Variants in ZFAND1 observed in about 807,000 individuals in gnomAD.
The protein encoded by ZFAND1 is AN1-type zinc finger protein 1.
A neutral mutation model predicts 38.5 loss-of-function variants in ZFAND1; 40 were observed. The ratio of observed to expected loss-of-function variants is 1.04; its 90% confidence interval spans 0.81 to 1.35. ZFAND1 has a LOEUF of 1.35. Among genes scored for constraint, ZFAND1 ranks in the 40% most tolerant of loss-of-function variants. The pLI, the probability that ZFAND1 is intolerant of heterozygous loss-of-function variation, is 0.00. For synonymous variants in ZFAND1, 117 were observed against 103.6 expected (o/e 1.13, Z -0.78); for missense variants, 346 against 316.3 (o/e 1.09, Z -0.71).
Position 81,706,101 on chromosome 8 carries a change from T to C in ZFAND1, c.481-2977A>G, listed in dbSNP as rs572450812. On this transcript the variant is annotated intron_variant, in intron 6 of 7. Transcript: ENST00000220669. ...CACACGTAGAAACATTCCACAGAAA[T>C]TGGAAAATATCACAAGAAATCTTAA... is the stretch of plus-strand genomic sequence containing the variant. Among the ~76,000 whole-genome samples, 180 of 151,986 alleles carry C rather than the reference T, an allele frequency of 1.2e-3. 2 individuals carry two copies. In the South Asian group the frequency reaches 0.018, roughly 16 times the overall value.
chr8:81,719,775 T>G (rs180721805), intron 1 of ZFAND1, among the ~76,000 whole-genome samples: 1 of 152,296 alleles, frequency 6.6e-6, no homozygotes, highest in East Asian at 1.9e-4. Flanking sequence ...CTCATCTCAG[T>G]TATTGACACT....
chr8:81,715,193 T>C, intron 3 of ZFAND1, 79 bp from the exon 4 acceptor site: 2 of 1,502,566 alleles, frequency 1.3e-6, no homozygotes, highest in Non-Finnish European at 1.8e-6. Context: ...GAAGGCAGTA[T>C]TCATTTTATT....
At chr8:81,713,145 C>T (rs60648888) in intron 6 of ZFAND1, among the ~76,000 whole-genome samples, 26,923 of 151,806 alleles carry the variant, frequency 0.18, 3,032 homozygotes, top group East Asian at 0.57. Flanking sequence ...TTTTTTGAGA[C>T]GGAGTCTCGC....
intron 6 of ZFAND1, among the ~76,000 whole-genome samples, chr8:81,707,533 T>C (rs1283411895): frequency 6.6e-6 from 1 of 152,200 alleles, no homozygotes; most frequent in Non-Finnish European, 1.5e-5. Context: ...TGCCCCATTA[T>C]GATAACCTAT....
rs1489794761 is a variant in ZFAND1, at chr8:81,715,106, TAC to T, written c.145_146del (p.Val49AsnfsTer3). 6.2e-7 allele frequency: 1 copy of T among 1,613,492 alleles called. No homozygotes were observed. The highest frequency in any genetic ancestry group is 1.7e-5 in the Admixed American group (1 of 59,990). On this transcript the variant is annotated frameshift_variant, in exon 4 of 8. Coordinates refer to ENST00000220669, the MANE Select transcript of ZFAND1 (RefSeq NM_024699.3). LOFTEE classifies it high-confidence loss of function. ...GATCTGTCTTCAGTCTCTCATTGAT[TAC>T]AGTCACCTGAAAATGCAAAAAGGAG... ...RESHGCPEVTVINERLKTDQH... is the reference protein window; with the variant it reads ...RESHGCPEVTXINERLKTDQH...
chr8:81,711,877 A>T (rs1234439593), intron 6 of ZFAND1, among the ~76,000 whole-genome samples: 1 of 152,190 alleles, frequency 6.6e-6, no homozygotes, highest in African/African-American at 2.4e-5. Flanking sequence ...GAGTTACTAC[A>T]ACTGAGTGTT....
intron 6 of ZFAND1, among the ~76,000 whole-genome samples, 192 bp from the exon 7 acceptor site, chr8:81,703,316 G>C (rs1459210842): frequency 6.6e-6 from 1 of 152,208 alleles, no homozygotes; most frequent in Non-Finnish European, 1.5e-5. Flanking sequence ...ACCCTGGCCA[G>C]GGTGATCTGT....
At chr8:81,711,901 A>T (rs1433227957) in intron 6 of ZFAND1, among the ~76,000 whole-genome samples, 1 of 152,162 alleles carries the variant, frequency 6.6e-6, no homozygotes, top group Non-Finnish European at 1.5e-5. Context: ...AACCTTTGAG[A>T]ACAAATTCCC....
At chr8:81,705,791 C>T (rs1417687685) in intron 6 of ZFAND1, among the ~76,000 whole-genome samples, 1 of 152,114 alleles carries the variant, frequency 6.6e-6, no homozygotes, top group Admixed American at 6.5e-5. Flanking sequence ...TGGGGGCACG[C>T]GCCTGTAGTC....
At chr8:81,709,848 T>C (rs1331290573) in intron 6 of ZFAND1, among the ~76,000 whole-genome samples, 1 of 152,242 alleles carries the variant, frequency 6.6e-6, no homozygotes, top group Admixed American at 6.5e-5. Context: ...GTTAATAGAA[T>C]GTTACTCTTT....
At chr8:81,715,717 C>T (rs1356510652) in intron 3 of ZFAND1, among the ~76,000 whole-genome samples, 2 of 151,278 alleles carry the variant, frequency 1.3e-5, no homozygotes, top group Admixed American at 6.6e-5. Flanking sequence ...TTTCTAAAGA[C>T]GAGTAAACGT....
chr8:81,708,759 C>T (rs986248013), intron 6 of ZFAND1: 158 of 1,194,846 alleles, frequency 1.3e-4, no homozygotes, highest in Non-Finnish European at 1.2e-4. Context: ...AGGCAGTATA[C>T]GGAACTGGTT....
rs576125001 is a variant in ZFAND1, at chr8:81,702,820, C to A, written c.682G>T (p.Asp228Tyr). The change falls in exon 8 of 8, where the codon GAT becomes TAT. Residue 228 changes from aspartate (D) to tyrosine (Y), a missense_variant. Physicochemically the swap from Asp to Tyr is radical, Grantham distance 160 (BLOSUM62 -3). Coordinates refer to ENST00000220669, the MANE Select transcript of ZFAND1 (RefSeq NM_024699.3). ...GCAATCCAGGTTTCCAAAGTATGAT[C>A]CAAGGGTAAGGCTTCTCCTGAAGTA... ...HITSGEALPL[D>Y]HTLETWIAKE... is the part of the protein sequence containing the mutation. 2 of 1,607,858 alleles carry A rather than the reference C, an allele frequency of 1.2e-6. No homozygotes were observed. Among genetic ancestry groups the A allele is most frequent in the African/African-American group, 1.3e-5 (1 of 74,672 alleles).
intron 2 of ZFAND1, 111 bp downstream of exon 2, chr8:81,718,071 T>C (rs1808367137): frequency 2.3e-6 from 2 of 870,390 alleles, no homozygotes; most frequent in Non-Finnish European, 3.4e-6. Context: ...TGAATATCAA[T>C]AATCAATGGC....
intron 6 of ZFAND1, among the ~76,000 whole-genome samples, chr8:81,704,113 A>C (rs76892595): frequency 2.1e-4 from 24 of 117,060 alleles, no homozygotes; most frequent in Non-Finnish European, 3.6e-4. Context: ...AAAACAAAAA[A>C]AAAAAAAGAG....
chr8:81,710,219 T>G (rs1808100134), intron 6 of ZFAND1, among the ~76,000 whole-genome samples: 1 of 152,216 alleles, frequency 6.6e-6, no homozygotes, highest in Non-Finnish European at 1.5e-5. Flanking sequence ...AAAACTGCTT[T>G]CAGTTAAGAA....
Position 81,717,227 on chromosome 8 carries a change from G to A in ZFAND1, c.138+22C>T, listed in dbSNP as rs1438597350. On this transcript the variant is annotated intron_variant, in intron 3 of 7. Transcript: ENST00000220669. ...ACATAAATACGAATACATTTTATCA[G>A]ATTGGAAAAATACTAACATACCTCA... The A allele has an allele frequency of 2.0e-6, 3 of 1,519,912 alleles. No individual in the cohort carries two copies. The Admixed American group carries it at 7.3e-5, about 37-fold the overall frequency. The allele number at this position is 1,519,912 out of a possible 1,614,324, so 94.2% of individuals were successfully genotyped here.
intron 1 of ZFAND1, among the ~76,000 whole-genome samples, chr8:81,718,479 T>C (rs748124050): frequency 4.8e-4 from 73 of 152,130 alleles, no homozygotes; most frequent in Non-Finnish European, 8.4e-4. Flanking sequence ...AGTGGTTTTC[T>C]TTTTCTTTTT....
At chr8:81,714,687 A>G in intron 5 of ZFAND1, 117 bp downstream of exon 5, 3 of 834,398 alleles carry the variant, frequency 3.6e-6, no homozygotes, top group Non-Finnish European at 5.8e-6. Flanking sequence ...TCAAAATACA[A>G]GTTAATACGA....
Sources: gnomAD v4.1 joint callset for allele counts (sites outside exome capture counted in the v4.1 genomes callset) on GRCh38, gnomAD v4.1.1 for gene constraint, MANE v1.5 for transcripts, NCBI Gene and HGNC (gene_info 2026-07-23, HGNC 2026-07-21) for gene names.